Variants in ZNF407 observed in about 807,000 individuals in gnomAD.
The protein encoded by ZNF407 is zinc finger protein 407.
Under a neutral mutation model 131.2 loss-of-function variants are expected in ZNF407, and 17 were observed. That is an observed-to-expected ratio of 0.13 (90% CI 0.09 to 0.19). The LOEUF is 0.19. Ranked by LOEUF, ZNF407 falls within the 10% of genes least tolerant of loss-of-function variation. The pLI, the probability that ZNF407 is intolerant of heterozygous loss-of-function variation, is 1.00. For synonymous variants in ZNF407, 1,156 were observed against 1,062.0 expected (o/e 1.09, Z -1.72); for missense variants, 2,681 against 2,830.6 (o/e 0.95, Z 1.20).
At position 74,631,645 on chromosome 18, in the gene ZNF407, T is replaced by A; in HGVS notation, c.626T>A (p.Met209Lys). Residue 209 changes from methionine (M) to lysine (K), a missense_variant, in exon 2 of 9, where the codon ATG (methionine) becomes AAG (lysine). Met to Lys is a moderately conservative substitution (Grantham distance 95). Around this residue, in one of 6 missense-constraint regions of ZNF407, gnomAD observed 1,789 missense variants for 1,748.7 expected, o/e 1.02. Transcript: ENST00000299687. ...SDLEKHAESH[M>K]QQPKEHTCCH... ...TTGGAAAAACATGCTGAGTCTCACA[T>A]GCAGCAGCCTAAGGAACATACCTGT... 1 of 1,613,990 alleles carries A rather than the reference T, an allele frequency of 6.2e-7. No homozygotes were observed.
In ZNF407 at chr18:75,064,332, C is replaced by T. The variant is rs1473538282; in HGVS notation, c.6611C>T (p.Ala2204Val). 6.3e-7 allele frequency: 1 copy of T among 1,594,602 alleles called. No homozygotes were observed. Among genetic ancestry groups the T allele is most frequent in the South Asian group, 1.1e-5 (1 of 87,934 alleles). Residue 2204 changes from alanine (A) to valine (V), a missense_variant, in exon 9 of 9, where the codon GCC becomes GTC. By Grantham distance (64) the Ala-to-Val change is moderately conservative (BLOSUM62 0). Coordinates refer to ENST00000299687, the MANE Select transcript of ZNF407 (RefSeq NM_017757.3). ...TCGCAGGAACTCCTGCAGGCCGGGGCCACGCTAGGCACAGAGGCCGGGGCC... is the reference window on the plus strand; with the variant it reads ...TCGCAGGAACTCCTGCAGGCCGGGGTCACGCTAGGCACAGAGGCCGGGGCC... ...ADSQELLQAG[A>V]TLGTEAGAPS...
intron 3 of ZNF407, among the ~76,000 whole-genome samples, chr18:74,714,761 T>C (rs540662693): frequency 2.5e-4 from 38 of 152,356 alleles, no homozygotes; most frequent in Non-Finnish European, 4.9e-4. Flanking sequence ...GCACTTAGTT[T>C]TCTCATAGTA....
intron 4 of ZNF407, among the ~76,000 whole-genome samples, chr18:74,873,762 G>A (rs534080074): frequency 5.9e-5 from 9 of 151,880 alleles, no homozygotes; most frequent in East Asian, 5.8e-4. Context: ...AGACTAACTC[G>A]TAATTGACTT....
intron 4 of ZNF407, among the ~76,000 whole-genome samples, chr18:74,840,268 C>G (rs182846451): frequency 2.0e-5 from 3 of 152,122 alleles, no homozygotes; most frequent in Admixed American, 2.0e-4. Flanking sequence ...TAGTCTTTGG[C>G]CTGTCCCAGG....
rs556204279 is a variant in ZNF407 at position 74,623,170 on chromosome 18, G to A, written c.-53-7797G>A. Among the ~76,000 whole-genome samples the A allele has an allele frequency of 2.9e-3, 445 of 151,854 alleles. 1 individual carries two copies. The highest frequency in any genetic ancestry group is 6.8e-3 in the Middle Eastern group (2 of 292). ...AATGTGTGAGTGCGTGTGTGTGTAC[G>A]TGTGAATGTGAATCCGTGTGTGTCT... On this transcript the variant is annotated intron_variant, in intron 1 of 8. Transcript: ENST00000299687.
In ZNF407 at chr18:74,920,577, G is replaced by T. The variant is rs1568270137; in HGVS notation, c.5313G>T (p.Lys1771Asn). Residue 1771 changes from lysine to asparagine, a missense_variant, in exon 8 of 9, where the codon AAG becomes AAT. Lys to Asn is a moderately conservative substitution (Grantham distance 94). This residue lies in a region of ZNF407 where 39 missense variants were observed against 91.8 expected (regional missense o/e 0.42). Coordinates refer to ENST00000299687, the MANE Select transcript of ZNF407 (RefSeq NM_017757.3). ...ATACTGGCAAACATGAAGGAGTCAA[G>T]ATGTACAACTGTCCCAAGTGTGACT... ...ILHTGKHEGV[K>N]MYNCPKCDYG... is the part of the protein sequence containing the mutation. 1.9e-6 allele frequency: 3 copies of T among 1,602,324 alleles called. No individual in the cohort carries two copies. The highest frequency in any genetic ancestry group is 2.6e-6 in the Non-Finnish European group (3 of 1,170,798).
intron 7 of ZNF407, among the ~76,000 whole-genome samples, chr18:74,918,249 G>C (rs552268311): frequency 6.6e-6 from 1 of 152,156 alleles, no homozygotes; most frequent in Non-Finnish European, 1.5e-5. Flanking sequence ...GGGAAAGCTG[G>C]CTGTGGTGTA....
At chr18:74,797,034 G>A (rs1969932725) in intron 4 of ZNF407, among the ~76,000 whole-genome samples, 1 of 152,198 alleles carries the variant, frequency 6.6e-6, no homozygotes, top group Admixed American at 6.5e-5. Context: ...AACTGGGGAC[G>A]AGAAGAAGCA....
chr18:74,824,376 AG>A (rs1970380908), intron 4 of ZNF407, among the ~76,000 whole-genome samples: 1 of 152,212 alleles, frequency 6.6e-6, no homozygotes, highest in Non-Finnish European at 1.5e-5. Context: ...GCCAAATTGA[AG>A]GAGATAGAGA....
At position 74,631,235 on chromosome 18, in the gene ZNF407, T is replaced by C. The variant is rs1180141610; in HGVS notation, c.216T>C (p.Ala72=). The stretch of plus-strand genomic sequence containing the variant: ...TAGGAGAAGACAGAAATAAACATGC[T>C]TCCAAACGCAGGAAATTAGATGAGG... ...VVIGEDRNKH[A]SKRRKLDEAE... The change falls in exon 2 of 9, where the codon GCT becomes GCC. Residue 72 remains alanine (A), a synonymous_variant. Coordinates refer to ENST00000299687, the MANE Select transcript of ZNF407 (RefSeq NM_017757.3). 1 of 1,613,904 alleles carries C rather than the reference T, an allele frequency of 6.2e-7. No homozygotes were observed. Among genetic ancestry groups the C allele is most frequent in the South Asian group, 1.1e-5 (1 of 91,080 alleles).
chr18:74,840,227 A>G (rs943486694), intron 4 of ZNF407, among the ~76,000 whole-genome samples: 2 of 152,078 alleles, frequency 1.3e-5, no homozygotes, highest in East Asian at 3.9e-4. Context: ...CCTCTTCTGC[A>G]CACACCATTC....
intron 6 of ZNF407, among the ~76,000 whole-genome samples, chr18:74,889,025 T>C (rs1457246388): frequency 2.0e-5 from 3 of 152,184 alleles, no homozygotes; most frequent in Non-Finnish European, 4.4e-5. Context: ...ACTGTACTTT[T>C]TCTGTGTTTA....
At chr18:74,908,529 G>A (rs1170925444) in intron 7 of ZNF407, among the ~76,000 whole-genome samples, 1 of 152,160 alleles carries the variant, frequency 6.6e-6, no homozygotes. Context: ...AGTGGTGCAT[G>A]TGGTCCAGCA....
chr18:74,843,298 T>A (rs1392192887), intron 4 of ZNF407, among the ~76,000 whole-genome samples: 1 of 152,204 alleles, frequency 6.6e-6, no homozygotes, highest in Non-Finnish European at 1.5e-5. Context: ...ATATGTAAGT[T>A]CTAAACTTTC....
At chr18:75,002,771 C>G (rs368168676) in intron 8 of ZNF407, among the ~76,000 whole-genome samples, 1 of 146,706 alleles carries the variant, frequency 6.8e-6, no homozygotes, top group Non-Finnish European at 1.5e-5. Flanking sequence ...CGCCACTGCA[C>G]TCCAGCCTGG....
chr18:74,849,516 T>G (rs1970751639), intron 4 of ZNF407, among the ~76,000 whole-genome samples: 1 of 152,138 alleles, frequency 6.6e-6, no homozygotes, highest in African/African-American at 2.4e-5. Flanking sequence ...TGAGAAAGTG[T>G]GTGGTCAGGG....
At chr18:75,002,195 G>A (rs1302283126) in intron 8 of ZNF407, among the ~76,000 whole-genome samples, 1 of 152,188 alleles carries the variant, frequency 6.6e-6, no homozygotes, top group East Asian at 1.9e-4. Flanking sequence ...GCTGATATGG[G>A]ATATTTTGTA....
At chr18:74,626,999 T>A (rs895156479) in intron 1 of ZNF407, among the ~76,000 whole-genome samples, 1 of 152,186 alleles carries the variant, frequency 6.6e-6, no homozygotes, top group Non-Finnish European at 1.5e-5. Context: ...CTCCTTTGTT[T>A]TATCCTCAAC....
At chr18:74,750,769 A>G (rs1968782633) in intron 3 of ZNF407, among the ~76,000 whole-genome samples, 1 of 152,136 alleles carries the variant, frequency 6.6e-6, no homozygotes, top group South Asian at 2.1e-4. Flanking sequence ...TATATGTTTA[A>G]CTTTGTGAGA....
Sources: gnomAD v4.1 joint callset for allele counts (sites outside exome capture counted in the v4.1 genomes callset) on GRCh38, gnomAD v4.1.1 for gene constraint, gnomAD v4.1.1 regional missense constraint, MANE v1.5 for transcripts, NCBI Gene and HGNC (gene_info 2026-07-23, HGNC 2026-07-21) for gene names.